The following DOCK10 variants were observed in gnomAD, a reference collection of about 807,000 sequenced individuals.
DOCK10 encodes dedicator of cytokinesis protein 10.
A neutral mutation model predicts 280.1 loss-of-function variants in DOCK10; 145 were observed. The observed-to-expected ratio is 0.52, with a 90% confidence interval of 0.45 to 0.59. The LOEUF (loss-of-function observed/expected upper bound fraction) is 0.59, where lower values mean the gene tolerates loss of function less well. DOCK10 is among the 20% of genes least tolerant of loss of function. DOCK10 has a pLI of 0.00. For synonymous variants in DOCK10, 915 were observed against 942.2 expected, an observed-to-expected ratio of 0.97 and a Z score of 0.53; for missense variants, 2,368 against 2,651.7, an observed-to-expected ratio of 0.89 and a Z score of 2.35.
At chr2:224,884,908 A>G (rs984148857) in intron 7 of DOCK10, among the ~76,000 whole-genome samples, 1 of 152,220 alleles carries the variant, frequency 6.6e-6, no homozygotes, top group Non-Finnish European at 1.5e-5. Context: ...GGCAGCAAAC[A>G]TGGGTGCTAA....
intron 3 of DOCK10, among the ~76,000 whole-genome samples, chr2:224,900,089 T>C (rs1272897484): frequency 6.6e-6 from 1 of 152,192 alleles, no homozygotes. Context: ...ACAGATGCAA[T>C]GACTTACTCA....
At chr2:224,911,812 C>G (rs1208315348) in intron 3 of DOCK10, among the ~76,000 whole-genome samples, 1 of 152,120 alleles carries the variant, frequency 6.6e-6, no homozygotes, top group Non-Finnish European at 1.5e-5. Context: ...ATGAAAAGTT[C>G]CTAAAACGAT....
At chr2:224,954,167 A>G (rs1703917900) in intron 1 of DOCK10, among the ~76,000 whole-genome samples, 1 of 152,174 alleles carries the variant, frequency 6.6e-6, no homozygotes, top group Non-Finnish European at 1.5e-5. Flanking sequence ...TCAAATCAGA[A>G]TTTGATGGGA....
At chr2:224,817,989 C>T (rs774758033) in intron 29 of DOCK10, among the ~76,000 whole-genome samples, 14 of 152,180 alleles carry the variant, frequency 9.2e-5, no homozygotes, top group Non-Finnish European at 1.9e-4. Flanking sequence ...AATTCATATG[C>T]CCTGTCTTCT....
At chr2:224,806,572 A>G (rs1327382738) in intron 33 of DOCK10, among the ~76,000 whole-genome samples, 1 of 152,148 alleles carries the variant, frequency 6.6e-6, no homozygotes, top group African/African-American at 2.4e-5. Context: ...GTACATTACT[A>G]TTATTAGCAA....
intron 1 of DOCK10, among the ~76,000 whole-genome samples, chr2:224,996,844 G>C (rs534321408): frequency 6.6e-6 from 1 of 152,288 alleles, no homozygotes; most frequent in South Asian, 2.1e-4. Context: ...GGGTGGTATT[G>C]AGACAAATAT....
chr2:225,033,339 C>T (rs1221572601), intron 1 of DOCK10, among the ~76,000 whole-genome samples: 9 of 152,002 alleles, frequency 5.9e-5, no homozygotes, highest in African/African-American at 1.9e-4. Flanking sequence ...CATGCCACCA[C>T]GCCCGGCTAA....
chr2:224,999,124 T>C (rs758998298), intron 1 of DOCK10, among the ~76,000 whole-genome samples: 4 of 152,130 alleles, frequency 2.6e-5, no homozygotes, highest in Admixed American at 1.3e-4. Flanking sequence ...GGGGCAGAGG[T>C]TGCAGTGAGC....
chr2:225,004,730 G>A (rs772332582), intron 1 of DOCK10, among the ~76,000 whole-genome samples: 2 of 152,220 alleles, frequency 1.3e-5, no homozygotes, highest in Non-Finnish European at 2.9e-5. Context: ...CAGAACCAAG[G>A]ATGTGAAGAG....
rs60658292 is a variant in DOCK10 at position 224,855,064 on chromosome 2, GACAC to G, written c.1809-26_1809-23del. 697 of 575,070 alleles carry G rather than the reference GACAC, an allele frequency of 1.2e-3. 1 individual carries two copies. Among genetic ancestry groups the G allele is most frequent in the East Asian group, 0.01 (311 of 31,010 alleles). 35.6% of individuals were successfully genotyped at this position (575,070 alleles called of 1,614,324 possible). On this transcript the variant is annotated intron_variant, in intron 15 of 55. Coordinates refer to ENST00000258390, the MANE Select transcript of DOCK10 (RefSeq NM_014689.3). ...GGCCCTGTAAGAGTGCATGAGCAAGGACACACACACACACACACACACACACACA... is the reference window on the plus strand; with the variant it reads ...GGCCCTGTAAGAGTGCATGAGCAAGGACACACACACACACACACACACACA...
chr2:224,801,166 C>A (rs886326673), intron 40 of DOCK10, among the ~76,000 whole-genome samples: 10 of 150,970 alleles, frequency 6.6e-5, no homozygotes, highest in South Asian at 2.1e-4. Context: ...GTGCCAGACT[C>A]TCAGTTGATT....
intron 1 of DOCK10, among the ~76,000 whole-genome samples, chr2:225,022,336 A>G (rs1472293254): frequency 6.6e-6 from 1 of 152,180 alleles, no homozygotes; most frequent in Non-Finnish European, 1.5e-5. Flanking sequence ...AGTTTCCCTT[A>G]TTGGATCAAA....
At chr2:224,774,561 C>T (rs556024895) in intron 52 of DOCK10, among the ~76,000 whole-genome samples, 15 of 152,240 alleles carry the variant, frequency 9.9e-5, no homozygotes, top group East Asian at 3.9e-4. Context: ...CCAAAGCACA[C>T]GATAAGAGCT....
intron 19 of DOCK10, among the ~76,000 whole-genome samples, chr2:224,848,354 C>T (rs1342159379): frequency 6.6e-6 from 1 of 152,194 alleles, no homozygotes; most frequent in Non-Finnish European, 1.5e-5. Context: ...CAGACCTTCA[C>T]TTTATGGTTA....
At chr2:225,030,570 G>A (rs910792456) in intron 1 of DOCK10, among the ~76,000 whole-genome samples, 1 of 152,176 alleles carries the variant, frequency 6.6e-6, no homozygotes, top group African/African-American at 2.4e-5. Flanking sequence ...TGAGGCCTGC[G>A]TGTGCTACCC....
At chr2:224,967,132 T>A (rs1456483894) in intron 1 of DOCK10, among the ~76,000 whole-genome samples, 2 of 149,488 alleles carry the variant, frequency 1.3e-5, no homozygotes, top group African/African-American at 2.5e-5. Context: ...CAGGCTGGAG[T>A]GCAGTGGCGA....
At position 224,916,766 on chromosome 2, in the gene DOCK10, C is replaced by A; in HGVS notation, c.262G>T (p.Asp88Tyr). 1 of 1,610,174 alleles carries A rather than the reference C, an allele frequency of 6.2e-7. No homozygotes were observed. Among genetic ancestry groups the A allele is most frequent in the Non-Finnish European group, 8.5e-7 (1 of 1,178,132 alleles). Reference protein sequence around the residue: ...DDFSAATVSWDIRTLYSTVPE... With the variant: ...DDFSAATVSWYIRTLYSTVPE... ...ACTGTTGAGTACAACGTGCGGATAT[C>A]CCAGGAAACTGTGGCTGCCTGAAAC... The change falls in exon 3 of 56, where the codon GAT (aspartate) becomes TAT (tyrosine). Residue 88 changes from aspartate (D) to tyrosine (Y), a missense_variant. This residue lies in a region of DOCK10 where 1,209 missense variants were observed against 1,250.9 expected (regional missense o/e 0.97). Transcript: ENST00000258390.
rs1432236248 is a variant in DOCK10, at chr2:224,805,592, G to A, written c.3815-63C>T. 2 of 1,597,006 alleles carry A rather than the reference G, an allele frequency of 1.3e-6. No individual in the cohort carries two copies. The highest frequency in any genetic ancestry group is 1.7e-6 in the Non-Finnish European group (2 of 1,171,270). The stretch of plus-strand genomic sequence containing the variant: ...ATGTATGGGCACACACACACAAAAG[G>A]TTCACATGATGAACCAAAAAGATGT... On this transcript the variant is annotated intron_variant, in intron 34 of 55. Transcript: ENST00000258390. The surrounding 1 kb of genome is among the most constrained non-coding windows in gnomAD (Gnocchi z 4.3).
rs773614616 is a variant in DOCK10 at position 224,864,616 on chromosome 2, T to C, written c.1539A>G (p.Lys513=). 1.2e-6 allele frequency: 2 copies of C among 1,613,500 alleles called. No homozygotes were observed. The highest frequency in any genetic ancestry group is 4.5e-5 in the East Asian group (2 of 44,880). The change falls in exon 13 of 56, where the codon AAA becomes AAG. Residue 513 remains lysine, a synonymous_variant. Coordinates refer to ENST00000258390, the MANE Select transcript of DOCK10 (RefSeq NM_014689.3). ...CACTTGCAATGTTTCCCATCAAGAC[T>C]TTTTCGATTTTGGCCACCAAAACAA... The part of the protein sequence containing the change: ...SEIVLVAKIE[K]VLMGNIASGA...
Sources: allele counts gnomAD v4.1 joint callset (sites outside exome capture counted in the v4.1 genomes callset), GRCh38; gene constraint gnomAD v4.1.1; regional missense constraint gnomAD v4.1.1; non-coding constraint Gnocchi (gnomAD v3.1); transcripts MANE v1.5; gene names NCBI Gene and HGNC (gene_info 2026-07-23, HGNC 2026-07-21).